SLC39A6: variants seen among roughly 807,000 people sequenced by gnomAD.
SLC39A6 encodes solute carrier family 39 member 6, also known as zinc transporter ZIP6.
A neutral mutation model predicts 63.5 loss-of-function variants in SLC39A6; 51 were observed. The observed-to-expected ratio is 0.80, with a 90% CI of 0.64 to 1.01. The LOEUF (loss-of-function observed/expected upper bound fraction) is 1.01. Ranked by LOEUF, SLC39A6 falls within the 50% of genes least tolerant of loss-of-function variation. The probability of loss-of-function intolerance (pLI) is 0.00; values close to 1 mark genes in which losing one functional copy is unlikely to be tolerated. For missense variants in SLC39A6, 805 were observed against 927.8 expected (o/e 0.87, Z 1.72); for synonymous variants, 318 against 324.7 (o/e 0.98, Z 0.22).
At chr18:36,120,239 G>A (rs1291936209) in intron 5 of SLC39A6, among the ~76,000 whole-genome samples, 1 of 139,788 alleles carries the variant, frequency 7.2e-6, no homozygotes, top group Non-Finnish European at 1.6e-5. Flanking sequence ...ACCATATAAT[G>A]AGTAGCTTTT....
intron 6 of SLC39A6, among the ~76,000 whole-genome samples, chr18:36,116,472 A>G (rs1436948221): frequency 1.3e-5 from 2 of 152,240 alleles, no homozygotes; most frequent in Non-Finnish European, 2.9e-5. Context: ...ATATGAATTT[A>G]CTTCAAAATA....
At position 36,111,178 on chromosome 18, in the gene SLC39A6, T is replaced by C. The variant is rs749248149; in HGVS notation, c.1996A>G (p.Met666Val). Residue 666 changes from methionine (M) to valine (V), a missense_variant, in exon 9 of 10, where the codon ATG (methionine) becomes GTG (valine). Physicochemically the swap from Met to Val is conservative, Grantham distance 21. Transcript: ENST00000269187. ...QAVLYNALSA[M>V]LAYLGMATGI... ...GTTGCCATTCCAAGATACGCCAGCATGGCTGACAATGCATTATAAAGGACA... is the reference window on the plus strand; with the variant it reads ...GTTGCCATTCCAAGATACGCCAGCACGGCTGACAATGCATTATAAAGGACA... 26 of 1,614,036 alleles carry C rather than the reference T, an allele frequency of 1.6e-5. No homozygotes were observed. In the Middle Eastern group the frequency reaches 4.9e-4, roughly 31 times the overall value.
chr18:36,123,417 A>C, intron 4 of SLC39A6, 78 bp downstream of exon 4: 1 of 1,321,084 alleles, frequency 7.6e-7, no homozygotes, highest in Non-Finnish European at 1.0e-6. Flanking sequence ...TTTATACAAA[A>C]AATTCTAGCA....
intron 3 of SLC39A6, among the ~76,000 whole-genome samples, chr18:36,124,216 T>C (rs1032208655): frequency 1.3e-5 from 2 of 152,136 alleles, no homozygotes; most frequent in Non-Finnish European, 2.9e-5. Flanking sequence ...GCAGCATAAA[T>C]GAACCCAAGA....
In SLC39A6 at chr18:36,124,746, AGAG is replaced by A. The variant is rs774680067; in HGVS notation, c.790-49_790-47del. On this transcript the variant is annotated intron_variant, in intron 2 of 9. Transcript: ENST00000269187. ...AAAATCACCAAAAGCCATCCCCATT[AGAG>A]TAGTCTGATGACACAATACCCTTTT... 2.2e-5 allele frequency: 31 copies of A among 1,410,844 alleles called. No homozygotes were observed. The East Asian group carries it at 7.3e-4, about 33-fold the overall frequency. 87.4% of individuals were successfully genotyped at this position (1,410,844 alleles called of 1,614,324 possible).
At chr18:36,121,999 T>C in intron 5 of SLC39A6, 53 bp downstream of exon 5, 6 of 1,289,520 alleles carry the variant, frequency 4.7e-6, no homozygotes, top group East Asian at 2.3e-5. Context: ...GTTAGAGTAC[T>C]ACTATAAATA....
Position 36,126,745 on chromosome 18 carries a change from T to C in SLC39A6, c.263A>G (p.Lys88Arg), listed in dbSNP as rs1382373199. Residue 88 changes from lysine (K) to arginine (R), a missense_variant, in exon 2 of 10, where the codon AAA becomes AGA. Coordinates refer to ENST00000269187, the MANE Select transcript of SLC39A6 (RefSeq NM_012319.4). ...GTGGTCATGGTGTATATGGATTCTT[T>C]TAATCTTATCTATGCCTATATTTTG... The part of the protein sequence containing the change: ...LLQNIGIDKI[K>R]RIHIHHDHDH... The C allele has an allele frequency of 6.2e-7, 1 of 1,614,108 alleles. No individual in the cohort carries two copies. The highest frequency in any genetic ancestry group is 2.2e-5 in the East Asian group (1 of 44,902).
At chr18:36,117,698 A>G (rs1381700202) in intron 5 of SLC39A6, among the ~76,000 whole-genome samples, 2 of 152,206 alleles carry the variant, frequency 1.3e-5, no homozygotes, top group East Asian at 1.9e-4. Flanking sequence ...CTCTAATACC[A>G]TATCAAGTGT....
At chr18:36,114,039 G>T in intron 7 of SLC39A6, 58 bp downstream of exon 7, 5 of 1,514,504 alleles carry the variant, frequency 3.3e-6, no homozygotes, top group South Asian at 2.7e-5. Context: ...ATTTGACTAG[G>T]TGTTTAATGT....
chr18:36,117,803 G>A (rs2089359121), intron 5 of SLC39A6, among the ~76,000 whole-genome samples: 1 of 152,084 alleles, frequency 6.6e-6, no homozygotes, highest in Non-Finnish European at 1.5e-5. Context: ...AGGCCGAGGT[G>A]GGCGGATCAC....
chr18:36,123,740 A>G, intron 3 of SLC39A6, 76 bp from the exon 4 acceptor site: 3 of 1,397,880 alleles, frequency 2.1e-6, no homozygotes, highest in Non-Finnish European at 1.9e-6. Flanking sequence ...TTTGGAGAGT[A>G]GCATAAAGCA....
rs1675889325 is a variant in SLC39A6, at chr18:36,126,274, C to A, written c.734G>T (p.Ser245Ile). The A allele has an allele frequency of 1.2e-6, 2 of 1,614,264 alleles. No homozygotes were observed. The highest frequency in any genetic ancestry group is 1.7e-6 in the Non-Finnish European group (2 of 1,180,048). ...LAGRKTNESV[S>I]EPRKGFMYSR... is the part of the protein sequence containing the mutation. The stretch of plus-strand genomic sequence containing the variant: ...ATACATAAAGCCTTTTCGGGGCTCA[C>A]TCACAGATTCATTTGTTTTCCTACC... The change falls in exon 2 of 10, where the codon AGT becomes ATT. Residue 245 changes from serine to isoleucine, a missense_variant. Physicochemically the swap from Ser to Ile is moderately radical, Grantham distance 142. Coordinates refer to ENST00000269187, the MANE Select transcript of SLC39A6 (RefSeq NM_012319.4).
intron 8 of SLC39A6, among the ~76,000 whole-genome samples, chr18:36,112,233 T>C (rs925794504): frequency 1.3e-5 from 2 of 152,206 alleles, no homozygotes; most frequent in African/African-American, 4.8e-5. Context: ...AAGAACAATA[T>C]TGAAAACACA....
chr18:36,123,942 A>T (rs1319158877), intron 3 of SLC39A6, among the ~76,000 whole-genome samples: 1 of 152,162 alleles, frequency 6.6e-6, no homozygotes, highest in Non-Finnish European at 1.5e-5. Flanking sequence ...GGAAAAAAAA[A>T]TGGTTACCAA....
intron 4 of SLC39A6, 124 bp downstream of exon 4, chr18:36,123,371 T>G: frequency 1.2e-6 from 1 of 861,308 alleles, no homozygotes. Flanking sequence ...CCAAATATAT[T>G]TTAAAATAAG....
At position 36,126,525 on chromosome 18, in the gene SLC39A6, G is replaced by A. The variant is rs2089438997; in HGVS notation, c.483C>T (p.Ser161=). ...SDSSGKDPRN[S]QGKGAHRPEH... ...CTGGTCGGTGAGCTCCTTTCCCCTG[G>A]CTGTTTCTAGGATCTTTACCTGAAC... The change falls in exon 2 of 10, where the codon AGC becomes AGT. Residue 161 remains serine, a synonymous_variant. Coordinates refer to ENST00000269187, the MANE Select transcript of SLC39A6 (RefSeq NM_012319.4). 1.2e-6 allele frequency: 2 copies of A among 1,614,036 alleles called. No individual in the cohort carries two copies. Among genetic ancestry groups the A allele is most frequent in the Admixed American group, 1.7e-5 (1 of 60,002 alleles).
intron 5 of SLC39A6, 103 bp downstream of exon 5, chr18:36,121,945 CAAAT>C (rs758831091): frequency 2.8e-5 from 22 of 786,006 alleles, no homozygotes; most frequent in Non-Finnish European, 3.8e-5. Context: ...AACTCCCTCT[CAAAT>C]AAAGCTCATA....
At chr18:36,112,694 A>C in intron 7 of SLC39A6, 113 bp from the exon 8 acceptor site, 1 of 736,978 alleles carries the variant, frequency 1.4e-6, no homozygotes, top group East Asian at 2.6e-5. Flanking sequence ...GAATGAATAG[A>C]AGTTTCCCAA....
Position 36,111,137 on chromosome 18 carries a change from A to C in SLC39A6, c.2037T>G (p.Gly679=). Reference sequence around the variant, plus strand: ...ACATAGAAACATTTTCAGCATAATGACCAATGAAAATTCCTGTTGCCATTC... The same window carrying C: ...ACATAGAAACATTTTCAGCATAATGCCCAATGAAAATTCCTGTTGCCATTC... The part of the protein sequence containing the change: ...YLGMATGIFI[G]HYAENVSMWI... The change falls in exon 9 of 10, where the codon GGT becomes GGG. Residue 679 remains glycine (G), a synonymous_variant. Coordinates refer to ENST00000269187, the MANE Select transcript of SLC39A6 (RefSeq NM_012319.4). 1 of 1,614,256 alleles carries C rather than the reference A, an allele frequency of 6.2e-7. No individual in the cohort carries two copies. The highest frequency in any genetic ancestry group is 8.5e-7 in the Non-Finnish European group (1 of 1,180,034).
Sources: allele counts gnomAD v4.1 joint callset (sites outside exome capture counted in the v4.1 genomes callset), GRCh38; gene constraint gnomAD v4.1.1; transcripts MANE v1.5; gene names NCBI Gene and HGNC (gene_info 2026-07-23, HGNC 2026-07-21).